The following RAD51B variants were observed in gnomAD, a reference collection of about 807,000 sequenced individuals.
RAD51B encodes RAD51 paralog B, also known as DNA repair protein RAD51 homolog 2.
RAD51B carries 38 observed loss-of-function variants against 42.2 expected under a neutral mutation model. The ratio of observed to expected loss-of-function variants is 0.90; its 90% CI spans 0.70 to 1.18. The LOEUF (loss-of-function observed/expected upper bound fraction) is 1.18. Ranked by LOEUF, RAD51B falls within the 50% of genes most tolerant of loss-of-function variation. The probability of loss-of-function intolerance (pLI) is 0.00; values close to 1 mark genes in which losing one functional copy is unlikely to be tolerated. For missense variants in RAD51B, 373 were observed against 400.7 expected (o/e 0.93, Z 0.59); for synonymous variants, 154 against 145.2 (o/e 1.06, Z -0.43).
chr14:68,512,181 T>G (rs965095907), intron 10 of RAD51B, among the ~76,000 whole-genome samples: 1 of 152,186 alleles, frequency 6.6e-6, no homozygotes, highest in African/African-American at 2.4e-5. Context: ...CTGCCCCCAC[T>G]TGCAGTGACC....
chr14:68,444,439 A>ATTTT (rs1555410961), intron 9 of RAD51B, among the ~76,000 whole-genome samples: 1 of 85,938 alleles, frequency 1.2e-5, no homozygotes, highest in Non-Finnish European at 2.7e-5. Context: ...AGAATTGTGA[A>ATTTT]TTGTGTGTGT....
In RAD51B at chr14:68,531,327, C is replaced by T. The variant is rs947909107; in HGVS notation, c.1036+63077C>T. Among the ~76,000 whole-genome samples, 7 of 152,124 alleles carry T rather than the reference C, an allele frequency of 4.6e-5. No individual in the cohort carries two copies. The South Asian group carries it at 1.5e-3, about 32-fold the overall frequency. ...GTGTCTATTAAAAATTGGAGAATAT[C>T]AGATTAGAATTTTTAAAGTATTCAG... On this transcript the variant is annotated intron_variant, in intron 10 of 10. Coordinates refer to the RAD51B transcript ENST00000487270.
At chr14:68,184,218 G>A (rs1382630514) in intron 7 of RAD51B, among the ~76,000 whole-genome samples, 12 of 152,096 alleles carry the variant, frequency 7.9e-5, no homozygotes, top group African/African-American at 2.9e-4. Flanking sequence ...AAGAGTGCAA[G>A]GTTATAGTGA....
chr14:68,467,878 A>G (rs2086023084), intron 9 of RAD51B, among the ~76,000 whole-genome samples: 1 of 152,246 alleles, frequency 6.6e-6, no homozygotes, highest in East Asian at 1.9e-4. Flanking sequence ...GCAGAAAGGT[A>G]GCTATTTAAG....
rs1893331966 is a variant in RAD51B, at chr14:68,677,341, C to A, written c.*11+26485C>A. Among the ~76,000 whole-genome samples the A allele has an allele frequency of 1.3e-5, 2 of 152,218 alleles. 1 individual carries two copies. Among genetic ancestry groups the A allele is most frequent in the African/African-American group, 4.8e-5 (2 of 41,458 alleles). On this transcript the variant is annotated intron_variant, in intron 11 of 11. Coordinates refer to the RAD51B transcript ENST00000488612. The stretch of plus-strand genomic sequence containing the variant: ...TTGGAGGCGGGAGAGATTCCTTGCG[C>A]ACCCTGCTATTGCACTGCTGCTCCG...
intron 11 of RAD51B, among the ~76,000 whole-genome samples, chr14:68,667,589 A>C (rs1368764886): frequency 6.6e-6 from 1 of 152,202 alleles, no homozygotes; most frequent in Non-Finnish European, 1.5e-5. Context: ...GCTCCTCCAT[A>C]TATTAGTGAG....
At chr14:68,668,009 C>T (rs752358999) in intron 11 of RAD51B, among the ~76,000 whole-genome samples, 5 of 152,156 alleles carry the variant, frequency 3.3e-5, no homozygotes, top group Non-Finnish European at 7.3e-5. Context: ...GAAGCACTTC[C>T]CTGGCCTGGG....
chr14:67,886,589 A>T (rs1323929413), intron 6 of RAD51B: 3 of 227,600 alleles, frequency 1.3e-5, no homozygotes, highest in Non-Finnish European at 2.6e-5. Context: ...AGTACCCAAG[A>T]TGGAAGCTGT....
chr14:68,574,917 GGA>G (rs773201589), intron 10 of RAD51B, among the ~76,000 whole-genome samples: 121 of 152,310 alleles, frequency 7.9e-4, no homozygotes, highest in Non-Finnish European at 1.5e-3. Context: ...AATAAGCCCA[GGA>G]GCAAGAGAGG....
chr14:68,280,366 G>A (rs533699316), intron 7 of RAD51B, among the ~76,000 whole-genome samples: 10 of 152,290 alleles, frequency 6.6e-5, no homozygotes, highest in Non-Finnish European at 1.0e-4. Flanking sequence ...GGGACCATGA[G>A]TTTTCATATT....
At chr14:68,171,195 G>A (rs1398031294) in intron 7 of RAD51B, among the ~76,000 whole-genome samples, 4 of 152,150 alleles carry the variant, frequency 2.6e-5, no homozygotes, top group Non-Finnish European at 5.9e-5. Flanking sequence ...TCTCATATTT[G>A]TAACTTTAGA....
intron 10 of RAD51B, among the ~76,000 whole-genome samples, chr14:68,476,870 A>G (rs1196341600): frequency 6.6e-6 from 1 of 152,214 alleles, no homozygotes; most frequent in Non-Finnish European, 1.5e-5. Context: ...CTTGCATTGC[A>G]GACACAGCTC....
At chr14:68,164,315 G>T (rs574611915) in intron 7 of RAD51B, among the ~76,000 whole-genome samples, 1 of 152,282 alleles carries the variant, frequency 6.6e-6, no homozygotes, top group South Asian at 2.1e-4. Flanking sequence ...GGATGGAAGA[G>T]AAATGAACTA....
At chr14:68,434,282 A>C (rs1026507650) in intron 9 of RAD51B, among the ~76,000 whole-genome samples, 1 of 152,148 alleles carries the variant, frequency 6.6e-6, no homozygotes, top group Non-Finnish European at 1.5e-5. Flanking sequence ...TCAGACAGGG[A>C]CATTTAAGTC....
chr14:68,653,560 C>A (rs563636083), intron 11 of RAD51B, among the ~76,000 whole-genome samples: 1 of 152,304 alleles, frequency 6.6e-6, no homozygotes, highest in East Asian at 1.9e-4. Flanking sequence ...CTAGAAGCAT[C>A]CCTGGCCTCC....
At chr14:68,320,297 T>A (rs2082134136) in intron 8 of RAD51B, among the ~76,000 whole-genome samples, 1 of 152,268 alleles carries the variant, frequency 6.6e-6, no homozygotes, top group Admixed American at 6.5e-5. Flanking sequence ...GGATGCCTCC[T>A]GTTTTATATG....
At chr14:68,528,407 G>T (rs570498538) in intron 10 of RAD51B, among the ~76,000 whole-genome samples, 1 of 152,082 alleles carries the variant, frequency 6.6e-6, no homozygotes, top group East Asian at 1.9e-4. Context: ...CCAACTTATT[G>T]CATATGTGAC....
chr14:68,466,535 C>T (rs936009168), intron 9 of RAD51B, among the ~76,000 whole-genome samples: 2 of 152,212 alleles, frequency 1.3e-5, no homozygotes. Context: ...GAGTGGGAGA[C>T]ACTGATGCTC....
At chr14:68,095,971 CAAAAA>C (rs56862052) in intron 7 of RAD51B, among the ~76,000 whole-genome samples, 116 of 62,612 alleles carry the variant, frequency 1.9e-3, no homozygotes, top group African/African-American at 5.6e-3. Context: ...GACTCCGTCT[CAAAAA>C]AAAAAAAAAA....
Sources: gnomAD v4.1 joint callset for allele counts (sites outside exome capture counted in the v4.1 genomes callset) on GRCh38, gnomAD v4.1.1 for gene constraint, MANE v1.5 for transcripts, NCBI Gene and HGNC (gene_info 2026-07-23, HGNC 2026-07-21) for gene names.